The following GNA15 variants were observed in gnomAD, a reference collection of about 807,000 sequenced individuals.
GNA15 encodes the protein guanine nucleotide-binding protein subunit alpha-15.
In GNA15, 23 loss-of-function variants were observed where a neutral mutation model predicts 40.1. The observed-to-expected ratio is 0.57, with a 90% CI of 0.41 to 0.81. The LOEUF is 0.81. Among genes scored for constraint, GNA15 ranks in the 40% least tolerant of loss-of-function variants. GNA15 has a pLI of 0.00. For synonymous variants in GNA15, 226 were observed against 210.4 expected (o/e 1.07, Z -0.64); for missense variants, 522 against 515.8 (o/e 1.01, Z -0.12).
chr19:3,146,690 A>G (rs1914728925), intron 1 of GNA15: 1 of 152,534 alleles, frequency 6.6e-6, no homozygotes, highest in Non-Finnish European at 1.5e-5. Flanking sequence ...TGCTCACCTG[A>G]ACCAACGCAG....
chr19:3,155,363 G>A lies in GNA15; in HGVS notation c.615-460G>A, dbSNP rs1914986640. ...GTGGGGCTGAGTCACAGATGGAGGGGAGGACGTGTGCTCTGGGAACAGCCC... is the reference window on the plus strand; with the variant it reads ...GTGGGGCTGAGTCACAGATGGAGGGAAGGACGTGTGCTCTGGGAACAGCCC... On this transcript the variant is annotated intron_variant, in intron 4 of 6. Transcript: ENST00000262958. The surrounding 1 kb of genome is among the most constrained non-coding windows in gnomAD (Gnocchi z 5.6). 1.3e-5 allele frequency among the ~76,000 whole-genome samples: 2 copies of A among 152,166 alleles called. No homozygotes were observed. Among genetic ancestry groups the A allele is most frequent in the African/African-American group, 4.8e-5 (2 of 41,444 alleles).
chr19:3,156,367 T>TGCACAC (rs1198303102), intron 5 of GNA15, among the ~76,000 whole-genome samples: 1 of 150,198 alleles, frequency 6.7e-6, no homozygotes, highest in Non-Finnish European at 1.5e-5. Context: ...CATGCACACT[T>TGCACAC]GCATGCACTC....
intron 2 of GNA15, chr19:3,149,239 TCA>T (rs1423474258): frequency 1.3e-5 from 2 of 152,596 alleles, no homozygotes; most frequent in East Asian, 2.0e-4. Flanking sequence ...GTGTACACAC[TCA>T]CAAACACACA....
Sources: allele counts gnomAD v4.1 joint callset (sites outside exome capture counted in the v4.1 genomes callset), GRCh38; gene constraint gnomAD v4.1.1; non-coding constraint Gnocchi (gnomAD v3.1); transcripts MANE v1.5; gene names NCBI Gene and HGNC (gene_info 2026-07-23, HGNC 2026-07-21).